Variants in TMEM131L observed in about 807,000 individuals in gnomAD.
TMEM131L encodes the protein transmembrane protein 131-like.
TMEM131L carries 54 observed loss-of-function variants against 192.2 expected under a neutral mutation model. That is an observed-to-expected ratio of 0.28 (90% CI 0.23 to 0.35). The LOEUF (loss-of-function observed/expected upper bound fraction) is 0.35. Ranked by LOEUF, TMEM131L falls within the 10% of genes least tolerant of loss-of-function variation. The pLI is 1.00. For missense variants in TMEM131L, 1,888 were observed against 1,972.9 expected, an observed-to-expected ratio of 0.96 and a Z score of 0.82; for synonymous variants, 701 against 704.9, an observed-to-expected ratio of 0.99 and a Z score of 0.09.
chr4:153,514,924 G>A lies in TMEM131L; in HGVS notation c.240-35149G>A, dbSNP rs552720618. ...GCCTCCTGGGTTCAAGCAATTCTCT[G>A]CCTCGGCCTCCCGGATAGCTGGGAT... On this transcript the variant is annotated intron_variant, in intron 3 of 34. Coordinates refer to ENST00000409959, the MANE Select transcript of TMEM131L (RefSeq NM_001131007.2). 2.0e-3 allele frequency among the ~76,000 whole-genome samples: 311 copies of A among 151,870 alleles called. 1 individual carries two copies. The highest frequency in any genetic ancestry group is 7.1e-3 in the African/African-American group (294 of 41,410).
intron 3 of TMEM131L, among the ~76,000 whole-genome samples, chr4:153,549,029 A>G (rs910330954): frequency 2.6e-5 from 4 of 152,174 alleles, no homozygotes; most frequent in African/African-American, 7.2e-5. Context: ...CAGTGATGCT[A>G]TCATAGCTTA....
chr4:153,598,700 T>A lies in TMEM131L; in HGVS notation c.2234T>A (p.Val745Glu). 2 of 1,613,906 alleles carry A rather than the reference T, an allele frequency of 1.2e-6. No individual in the cohort carries two copies. ...GCAGGAGGCTCACTCCGATTTAAGGTGCCCGAGTCCACGCTGATGGACTGC... is the reference window on the plus strand; with the variant it reads ...GCAGGAGGCTCACTCCGATTTAAGGAGCCCGAGTCCACGCTGATGGACTGC... ...PGAGGSLRFK[V>E]PESTLMDCRR... Residue 745 changes from valine to glutamate, a missense_variant, in exon 21 of 35, where the codon GTG becomes GAG. By Grantham distance (121) the Val-to-Glu change is moderately radical (BLOSUM62 -2). Coordinates refer to ENST00000409959, the MANE Select transcript of TMEM131L (RefSeq NM_001131007.2).
chr4:153,467,027 C>A (rs751651867), intron 1 of TMEM131L, among the ~76,000 whole-genome samples, 184 bp from the exon 2 acceptor site: 1 of 152,188 alleles, frequency 6.6e-6, no homozygotes, highest in East Asian at 1.9e-4. Flanking sequence ...TCCGAGGGGC[C>A]GCCGGCTCAC....
In TMEM131L at chr4:153,635,500, T is replaced by C. The variant is rs1287926515; in HGVS notation, c.4486T>C (p.Ser1496Pro). ...TCAGACAGACTTTATTGATCACAAC[T>C]CTCAGTCTACCTGGAACACCCCACC... ...DVQTDFIDHN[S>P]QSTWNTPPNM... The change falls in exon 34 of 35, where the codon TCT (serine) becomes CCT (proline). Residue 1496 changes from serine (S) to proline (P), a missense_variant. Transcript: ENST00000409959. The C allele has an allele frequency of 6.2e-7, 1 of 1,613,870 alleles. No individual in the cohort carries two copies. Among genetic ancestry groups the C allele is most frequent in the African/African-American group, 1.3e-5 (1 of 74,914 alleles).
At chr4:153,517,470 A>C (rs560471637) in intron 3 of TMEM131L, among the ~76,000 whole-genome samples, 2 of 151,228 alleles carry the variant, frequency 1.3e-5, no homozygotes, top group Admixed American at 6.6e-5. Flanking sequence ...TATAGTGTGT[A>C]TTTTTTTTTC....
chr4:153,528,248 G>A (rs536490013), intron 3 of TMEM131L, among the ~76,000 whole-genome samples: 2 of 152,324 alleles, frequency 1.3e-5, no homozygotes, highest in South Asian at 2.1e-4. Context: ...CCCAGCCTAC[G>A]AAAACAGAAC....
At chr4:153,577,559 G>T (rs950079984) in intron 7 of TMEM131L, among the ~76,000 whole-genome samples, 1 of 152,158 alleles carries the variant, frequency 6.6e-6, no homozygotes, top group Admixed American at 6.5e-5. Flanking sequence ...AACGGGCATG[G>T]CTGTGTTCCA....
At chr4:153,481,392 G>T (rs1731927500) in intron 3 of TMEM131L, among the ~76,000 whole-genome samples, 1 of 152,202 alleles carries the variant, frequency 6.6e-6, no homozygotes, top group South Asian at 2.1e-4. Flanking sequence ...GCTGCAGAAG[G>T]AATGCAAGCT....
intron 7 of TMEM131L, among the ~76,000 whole-genome samples, chr4:153,571,885 CT>C (rs1729610109): frequency 6.6e-6 from 1 of 152,164 alleles, no homozygotes; most frequent in South Asian, 2.1e-4. Context: ...CAATTCCAGT[CT>C]GCTGAGATCT....
chr4:153,591,648 G>A (rs532828800), intron 17 of TMEM131L, among the ~76,000 whole-genome samples: 32 of 152,270 alleles, frequency 2.1e-4, no homozygotes, highest in Middle Eastern at 3.4e-3. Flanking sequence ...CAAAGGGAAG[G>A]ACGTGCCTCC....
chr4:153,514,345 A>G (rs1734563215), intron 3 of TMEM131L, among the ~76,000 whole-genome samples: 1 of 152,178 alleles, frequency 6.6e-6, no homozygotes, highest in South Asian at 2.1e-4. Flanking sequence ...TTGGATCTCA[A>G]TTGCTTTTCA....
rs759429168 is a variant in TMEM131L at position 153,513,379 on chromosome 4, T to C, written c.240-36694T>C. ...TTTATTTTGGACAGTTTTGAAGAGA[T>C]AGAACCAAAAGACATTTATCAAATG... is the stretch of plus-strand genomic sequence containing the variant. On this transcript the variant is annotated intron_variant, in intron 3 of 34. Coordinates refer to ENST00000409959, the MANE Select transcript of TMEM131L (RefSeq NM_001131007.2). Among the ~76,000 whole-genome samples, 4 of 152,186 alleles carry C rather than the reference T, an allele frequency of 2.6e-5. No homozygotes were observed. The South Asian group carries it at 8.3e-4, about 31-fold the overall frequency.
chr4:153,521,858 CTG>C (rs1458650227), intron 3 of TMEM131L, among the ~76,000 whole-genome samples: 27 of 106,320 alleles, frequency 2.5e-4, no homozygotes, highest in African/African-American at 9.9e-4. Context: ...CATGTGTTTT[CTG>C]TGTTTTTTTT....
At chr4:153,521,231 T>TGGCTGTGGC (rs1735087184) in intron 3 of TMEM131L, among the ~76,000 whole-genome samples, 2 of 152,124 alleles carry the variant, frequency 1.3e-5, no homozygotes, top group African/African-American at 4.8e-5. Flanking sequence ...ATCAGGGTGG[T>TGGCTGTGGC]GGCTGTGGCG....
intron 3 of TMEM131L, among the ~76,000 whole-genome samples, chr4:153,545,534 A>G (rs1287351634): frequency 6.6e-6 from 1 of 151,588 alleles, no homozygotes; most frequent in Non-Finnish European, 1.5e-5. Context: ...TGATCCACCC[A>G]CCTCGGCCTC....
intron 34 of TMEM131L, 114 bp from the exon 35 acceptor site, chr4:153,636,187 T>G: frequency 9.5e-7 from 1 of 1,049,568 alleles, no homozygotes; most frequent in Middle Eastern, 2.7e-4. Flanking sequence ...TTGAGAGTAG[T>G]CTAATAACTT....
chr4:153,585,810 C>T (rs148149798), intron 13 of TMEM131L, among the ~76,000 whole-genome samples, 199 bp downstream of exon 13: 76 of 152,182 alleles, frequency 5.0e-4, no homozygotes, highest in African/African-American at 1.8e-3. Flanking sequence ...ACTTCTCTTT[C>T]TCTCTTTTTA....
intron 3 of TMEM131L, among the ~76,000 whole-genome samples, chr4:153,494,513 G>A (rs139975670): frequency 3.3e-5 from 5 of 152,066 alleles, no homozygotes; most frequent in Non-Finnish European, 7.4e-5. Context: ...ATGCCATAAG[G>A]TACATTAAAA....
intron 16 of TMEM131L, among the ~76,000 whole-genome samples, chr4:153,590,836 T>TGTC (rs1277752781): frequency 2.0e-5 from 3 of 151,998 alleles, no homozygotes; most frequent in African/African-American, 7.2e-5. Context: ...CATGTTCTGT[T>TGTC]GTTTGAGTGC....
Sources: allele counts gnomAD v4.1 joint callset (sites outside exome capture counted in the v4.1 genomes callset), GRCh38; gene constraint gnomAD v4.1.1; transcripts MANE v1.5; gene names NCBI Gene and HGNC (gene_info 2026-07-23, HGNC 2026-07-21).